Variants in NEK10 observed in about 807,000 individuals in gnomAD.
NEK10 encodes the protein NIMA related kinase 10.
In NEK10, 122 loss-of-function variants were observed where a neutral mutation model predicts 159.8. The observed-to-expected ratio is 0.76, with a 90% CI of 0.66 to 0.89. NEK10 has a LOEUF of 0.89. Among genes scored for constraint, NEK10 ranks in the 40% least tolerant of loss-of-function variants. NEK10 has a pLI of 0.00. For missense variants in NEK10, 1,342 were observed against 1,323.1 expected (o/e 1.01, Z -0.22); for synonymous variants, 466 against 457.1 (o/e 1.02, Z -0.25).
intron 5 of NEK10, among the ~76,000 whole-genome samples, chr3:27,323,604 G>GA (rs10663628): frequency 0.25 from 38,032 of 150,648 alleles, 4,935 homozygotes; most frequent in Middle Eastern, 0.37. Flanking sequence ...TCAGAGGGGG[G>GA]AAAAAAAAAC....
chr3:27,322,439 T>C (rs1211524099), intron 5 of NEK10, among the ~76,000 whole-genome samples, 178 bp from the exon 6 acceptor site: 1 of 151,520 alleles, frequency 6.6e-6, no homozygotes, highest in African/African-American at 2.4e-5. Flanking sequence ...ACATTTAAAC[T>C]ATCTTTTTCA....
At position 27,323,967 on chromosome 3, in the gene NEK10, G is replaced by A. The variant is rs148746679; in HGVS notation, c.363-1706C>T. On this transcript the variant is annotated intron_variant, in intron 5 of 35. Coordinates refer to ENST00000691995, the MANE Select transcript of NEK10 (RefSeq NM_001394966.1). ...TCTGATTTAAACCAGTGTGGTAAAG[G>A]TAGGCACATTTTAGGCACCTCTCAC... Among the ~76,000 whole-genome samples, 21 of 152,276 alleles carry A rather than the reference G, an allele frequency of 1.4e-4. 1 individual carries two copies. In the East Asian group the frequency reaches 4.1e-3, roughly 29 times the overall value.
At chr3:27,231,211 C>T (rs972862440) in intron 23 of NEK10, among the ~76,000 whole-genome samples, 1 of 151,834 alleles carries the variant, frequency 6.6e-6, no homozygotes, top group Non-Finnish European at 1.5e-5. Context: ...CTAAAAGGAA[C>T]CCTCCAAATC....
intron 23 of NEK10, among the ~76,000 whole-genome samples, chr3:27,237,197 C>T (rs183652363): frequency 6.6e-6 from 1 of 152,206 alleles, no homozygotes; most frequent in East Asian, 1.9e-4. Context: ...TCCCTTGTTC[C>T]CTAAAATTGC....
At chr3:27,147,836 T>G (rs2148722219) in intron 30 of NEK10, among the ~76,000 whole-genome samples, 1 of 152,350 alleles carries the variant, frequency 6.6e-6, no homozygotes, top group Middle Eastern at 3.4e-3. Flanking sequence ...TTACGCTTAA[T>G]TTAGCAATCT....
At chr3:27,204,315 T>TGTTTTTTG (rs752436375) in intron 23 of NEK10, among the ~76,000 whole-genome samples, 1 of 113,186 alleles carries the variant, frequency 8.8e-6, no homozygotes, top group Non-Finnish European at 1.9e-5. Context: ...TTTTTTTTTT[T>TGTTTTTTG]TTTTTTATTA....
intron 20 of NEK10, among the ~76,000 whole-genome samples, chr3:27,287,231 T>C (rs1056291178): frequency 2.8e-4 from 43 of 152,000 alleles, no homozygotes; most frequent in African/African-American, 1.0e-3. Context: ...CAAGCCTGGC[T>C]GCCAGAATCA....
intron 23 of NEK10, among the ~76,000 whole-genome samples, chr3:27,254,174 T>C (rs1955943051): frequency 6.6e-6 from 1 of 152,194 alleles, no homozygotes; most frequent in Non-Finnish European, 1.5e-5. Flanking sequence ...TAAAACATTA[T>C]GAGATTTTGG....
chr3:27,251,598 C>T (rs569304828), intron 23 of NEK10, among the ~76,000 whole-genome samples: 15 of 152,304 alleles, frequency 9.8e-5, no homozygotes, highest in African/African-American at 3.1e-4. Context: ...AAGATACCAG[C>T]GTCATGCTTC....
At position 27,120,545 on chromosome 3, in the gene NEK10, G is replaced by C. The variant is rs910493334; in HGVS notation, c.3082-677C>G. Reference sequence around the variant, plus strand: ...GGGTTTCACCATGTTGGCCAGGCTGGTCTCGAACTCCTGACCTCAGCTGAT... The same window carrying C: ...GGGTTTCACCATGTTGGCCAGGCTGCTCTCGAACTCCTGACCTCAGCTGAT... On this transcript the variant is annotated intron_variant, in intron 32 of 35. Coordinates refer to ENST00000691995, the MANE Select transcript of NEK10 (RefSeq NM_001394966.1). Among the ~76,000 whole-genome samples the C allele has an allele frequency of 9.9e-5, 15 of 151,792 alleles. No individual in the cohort carries two copies. In the South Asian group the frequency reaches 1.7e-3, roughly 17 times the overall value.
At chr3:27,342,782 C>T (rs901890330) in intron 5 of NEK10, among the ~76,000 whole-genome samples, 1 of 151,712 alleles carries the variant, frequency 6.6e-6, no homozygotes, top group Non-Finnish European at 1.5e-5. Flanking sequence ...GTCTACTGGG[C>T]ATCTCTTGAA....
chr3:27,151,881 T>C (rs1944912132), intron 30 of NEK10, among the ~76,000 whole-genome samples: 2 of 152,054 alleles, frequency 1.3e-5, no homozygotes, highest in African/African-American at 4.8e-5. Context: ...GTCTCAGCAA[T>C]AGAATTGAAC....
chr3:27,134,228 T>C (rs554167402), intron 31 of NEK10, among the ~76,000 whole-genome samples: 109 of 151,950 alleles, frequency 7.2e-4, no homozygotes, highest in Non-Finnish European at 1.4e-3. Flanking sequence ...GACATGAAGG[T>C]GAGGAGCATG....
At chr3:27,347,930 A>G (rs1293877482) in intron 3 of NEK10, among the ~76,000 whole-genome samples, 1 of 152,190 alleles carries the variant, frequency 6.6e-6, no homozygotes, top group Non-Finnish European at 1.5e-5. Context: ...ATATAACTCT[A>G]GGGTTATGAA....
intron 20 of NEK10, 91 bp from the exon 21 acceptor site, chr3:27,285,052 T>C (rs1346009167): frequency 1.1e-6 from 1 of 939,212 alleles, no homozygotes; most frequent in East Asian, 2.6e-5. Context: ...CTTCCCAGTG[T>C]CTGTGCGGGA....
chr3:27,181,206 T>G (rs1948066076), intron 26 of NEK10, among the ~76,000 whole-genome samples: 2 of 152,140 alleles, frequency 1.3e-5, no homozygotes, highest in Non-Finnish European at 2.9e-5. Flanking sequence ...TTCTAAAAAC[T>G]TATCTACTAA....
chr3:27,297,719 C>G (rs937203369), intron 13 of NEK10, among the ~76,000 whole-genome samples: 1 of 152,132 alleles, frequency 6.6e-6, no homozygotes, highest in Non-Finnish European at 1.5e-5. Context: ...TAGACTAGGC[C>G]ACACAACCAG....
At chr3:27,324,011 G>A (rs923212885) in intron 5 of NEK10, among the ~76,000 whole-genome samples, 2 of 152,156 alleles carry the variant, frequency 1.3e-5, no homozygotes, top group East Asian at 3.9e-4. Context: ...AAACCTAAGG[G>A]AGCATATCAG....
At chr3:27,236,987 A>G (rs990960106) in intron 23 of NEK10, among the ~76,000 whole-genome samples, 1 of 152,090 alleles carries the variant, frequency 6.6e-6, no homozygotes, top group Non-Finnish European at 1.5e-5. Context: ...CATAAGACAG[A>G]CACTCCCAAA....
Sources: gnomAD v4.1 joint callset for allele counts (sites outside exome capture counted in the v4.1 genomes callset) on GRCh38, gnomAD v4.1.1 for gene constraint, MANE v1.5 for transcripts, NCBI Gene and HGNC (gene_info 2026-07-23, HGNC 2026-07-21) for gene names.